Variants in PRKCH observed in about 807,000 individuals in gnomAD.
PRKCH encodes the protein protein kinase C eta, also known as protein kinase C eta type.
A neutral mutation model predicts 82.5 loss-of-function variants in PRKCH; 28 were observed. That is an observed-to-expected ratio of 0.34 (90% CI 0.25 to 0.47). The LOEUF (loss-of-function observed/expected upper bound fraction) is 0.47, where lower values mean the gene tolerates loss of function less well. Ranked by LOEUF, PRKCH falls within the 20% of genes least tolerant of loss-of-function variation. The pLI, the probability that PRKCH is intolerant of heterozygous loss-of-function variation, is 1.00. For synonymous variants in PRKCH, 322 were observed against 327.4 expected (o/e 0.98, Z 0.18); for missense variants, 705 against 881.8 (o/e 0.80, Z 2.54).
chr14:61,272,895 C>T (rs997846053), intron 1 of PRKCH, among the ~76,000 whole-genome samples: 1 of 152,160 alleles, frequency 6.6e-6, no homozygotes, highest in African/African-American at 2.4e-5. Flanking sequence ...CTGGGTCCCT[C>T]CTCTGGTTCC....
In PRKCH at chr14:61,397,708, C is replaced by T. The variant is rs117650127; in HGVS notation, c.427+6420C>T. ...GATTGTTTACCGTCTTCCAAATTGG[C>T]ACCAAAATGTTTGATAATGAAGTTA... On this transcript the variant is annotated intron_variant, in intron 2 of 13. Transcript: ENST00000332981. Among the ~76,000 whole-genome samples the T allele has an allele frequency of 9.2e-5, 14 of 152,286 alleles. No homozygotes were observed. In the East Asian group the frequency reaches 2.7e-3, roughly 29 times the overall value.
intron 1 of PRKCH, among the ~76,000 whole-genome samples, chr14:61,245,147 T>C (rs2044869111): frequency 6.6e-6 from 1 of 152,130 alleles, no homozygotes; most frequent in South Asian, 2.1e-4. Context: ...ATGGAGTGGT[T>C]ATGAATTACA....
At chr14:61,441,375 G>T (rs1459296977) in intron 2 of PRKCH, among the ~76,000 whole-genome samples, 5 of 152,154 alleles carry the variant, frequency 3.3e-5, no homozygotes, top group Non-Finnish European at 7.3e-5. Flanking sequence ...GTCAGGACTG[G>T]AGCCCGGTTT....
At chr14:61,465,898 TATAAG>T (rs1205215688) in intron 9 of PRKCH, among the ~76,000 whole-genome samples, 1 of 152,220 alleles carries the variant, frequency 6.6e-6, no homozygotes, top group Non-Finnish European at 1.5e-5. Context: ...ATAACAGCCT[TATAAG>T]ATAGGTGCAA....
At chr14:61,506,574 A>G (rs1427752808) in intron 10 of PRKCH, among the ~76,000 whole-genome samples, 1 of 152,160 alleles carries the variant, frequency 6.6e-6, no homozygotes, top group Non-Finnish European at 1.5e-5. Context: ...TCTTCCAGAA[A>G]GTTGCTCTTC....
At chr14:61,493,389 AG>A (rs1244708763) in intron 10 of PRKCH, among the ~76,000 whole-genome samples, 2 of 152,176 alleles carry the variant, frequency 1.3e-5, no homozygotes, top group Non-Finnish European at 2.9e-5. Context: ...GAAGGGCTAG[AG>A]GGCATTCCTC....
At chr14:61,535,220 TGCCAG>T (rs2043091582) in intron 12 of PRKCH, among the ~76,000 whole-genome samples, 1 of 152,156 alleles carries the variant, frequency 6.6e-6, no homozygotes, top group African/African-American at 2.4e-5. Context: ...CTGTGCGAGG[TGCCAG>T]GAATTCAGTG....
At chr14:61,424,921 TA>T (rs770782880) in intron 2 of PRKCH, among the ~76,000 whole-genome samples, 29 of 152,332 alleles carry the variant, frequency 1.9e-4, no homozygotes, top group Non-Finnish European at 3.4e-4. Flanking sequence ...GGCAAATTTT[TA>T]AAAAGTCAGC....
chr14:61,403,106 T>TG (rs1156617880), intron 2 of PRKCH, among the ~76,000 whole-genome samples: 4 of 152,072 alleles, frequency 2.6e-5, no homozygotes, highest in African/African-American at 7.2e-5. Context: ...TCTCTATCTT[T>TG]GGGGGGATGT....
At chr14:61,528,233 G>T (rs890921854) in intron 10 of PRKCH, among the ~76,000 whole-genome samples, 1 of 149,884 alleles carries the variant, frequency 6.7e-6, no homozygotes, top group Non-Finnish European at 1.5e-5. Flanking sequence ...TCACCCTGTC[G>T]CCCAGGCTGG....
chr14:61,358,069 A>G (rs1366498479), intron 1 of PRKCH, among the ~76,000 whole-genome samples: 2 of 152,114 alleles, frequency 1.3e-5, no homozygotes, highest in East Asian at 1.9e-4. Context: ...CATATTATAT[A>G]TGGTGGTTAA....
At chr14:61,425,460 A>C (rs182970206) in intron 2 of PRKCH, among the ~76,000 whole-genome samples, 1 of 152,304 alleles carries the variant, frequency 6.6e-6, no homozygotes. Context: ...GCCCCACTGG[A>C]TTTTTGACTT....
At chr14:61,248,577 G>C (rs2140071223) in intron 1 of PRKCH, among the ~76,000 whole-genome samples, 2 of 152,244 alleles carry the variant, frequency 1.3e-5, no homozygotes, top group Non-Finnish European at 2.9e-5. Flanking sequence ...TGGTCAAAAG[G>C]GGCAAGGAGA....
At chr14:61,287,774 C>A (rs1487566345) in intron 1 of PRKCH, among the ~76,000 whole-genome samples, 1 of 151,522 alleles carries the variant, frequency 6.6e-6, no homozygotes, top group African/African-American at 2.4e-5. Flanking sequence ...GGCTTTATAC[C>A]CAAGGTGAGG....
At chr14:61,506,263 A>T (rs2139962866) in intron 10 of PRKCH, among the ~76,000 whole-genome samples, 1 of 152,228 alleles carries the variant, frequency 6.6e-6, no homozygotes, top group South Asian at 2.1e-4. Flanking sequence ...TGCTTGGAAA[A>T]ATGTCAGGAA....
chr14:61,380,662 T>C (rs1337939917), intron 1 of PRKCH, among the ~76,000 whole-genome samples: 6 of 152,092 alleles, frequency 3.9e-5, no homozygotes, highest in African/African-American at 1.4e-4. Context: ...TGCAGTGGAG[T>C]ATTTTGAAGA....
intron 1 of PRKCH, among the ~76,000 whole-genome samples, chr14:61,351,249 G>T (rs1368676512): frequency 6.6e-6 from 1 of 152,202 alleles, no homozygotes; most frequent in Non-Finnish European, 1.5e-5. Context: ...TGCTGTCTTT[G>T]TGAGGGGATG....
chr14:61,391,559 T>C (rs530420317), intron 2 of PRKCH, among the ~76,000 whole-genome samples: 5 of 152,092 alleles, frequency 3.3e-5, no homozygotes, highest in East Asian at 1.9e-4. Context: ...CGTAGCTGAA[T>C]GGTTTTTGCG....
At chr14:61,273,411 G>T (rs1277642894) in intron 1 of PRKCH, among the ~76,000 whole-genome samples, 1 of 152,056 alleles carries the variant, frequency 6.6e-6, no homozygotes, top group Non-Finnish European at 1.5e-5. Context: ...GGATTCTGGG[G>T]TAATTACCAG....
Sources: gnomAD v4.1 joint callset for allele counts (sites outside exome capture counted in the v4.1 genomes callset) on GRCh38, gnomAD v4.1.1 for gene constraint, MANE v1.5 for transcripts, NCBI Gene and HGNC (gene_info 2026-07-23, HGNC 2026-07-21) for gene names.